Variants in PIEZO1 observed in about 807,000 individuals in gnomAD.
The protein encoded by PIEZO1 is piezo type mechanosensitive ion channel component 1 (Er blood group).
PIEZO1 carries 296 observed loss-of-function variants against 297.2 expected under a neutral mutation model. The ratio of observed to expected loss-of-function variants is 1.00; its 90% confidence interval spans 0.91 to 1.10. PIEZO1 has a LOEUF of 1.10. Ranked by LOEUF, PIEZO1 falls within the 50% of genes least tolerant of loss-of-function variation. PIEZO1 has a pLI of 0.00. For missense variants in PIEZO1, 5,018 were observed against 3,455.5 expected, an observed-to-expected ratio of 1.45 and a Z score of -11.34; for synonymous variants, 2,427 against 1,507.5, an observed-to-expected ratio of 1.61 and a Z score of -14.13.
intron 5 of PIEZO1, chr16:88,740,582 G>GC (rs1905576086): frequency 6.6e-6 from 1 of 152,422 alleles, no homozygotes; most frequent in Non-Finnish European, 1.5e-5. Context: ...CACCAGCCTT[G>GC]CCCCATGGGG....
In PIEZO1 at chr16:88,733,887, C is replaced by T. The variant is rs2306050; in HGVS notation, c.2329+19G>A. On this transcript the variant is annotated intron_variant, in intron 17 of 50. Transcript: ENST00000301015. Reference sequence around the variant, plus strand: ...CACAGCAGACTGGGTGGCAGCTGTGCTCTGCCCGCCCAACCCACCTTCAGG... The same window carrying T: ...CACAGCAGACTGGGTGGCAGCTGTGTTCTGCCCGCCCAACCCACCTTCAGG... 0.23 allele frequency: 335,730 copies of T among 1,478,004 alleles called. 42,089 individuals are homozygous for T. Among genetic ancestry groups the T allele is most frequent in the East Asian group, 0.56 (22,298 of 40,016 alleles). 91.6% of individuals were successfully genotyped at this position (1,478,004 alleles called of 1,614,324 possible).
intron 2 of PIEZO1, among the ~76,000 whole-genome samples, chr16:88,746,029 T>G (rs4782401): frequency 1.3e-5 from 2 of 151,372 alleles, no homozygotes; most frequent in African/African-American, 2.4e-5. Flanking sequence ...GGAGTTGCCC[T>G]GAGTCTGATC....
rs1319281426 is a variant in PIEZO1, at chr16:88,734,947, G to A, written c.1776C>T (p.Ser592=). The stretch of plus-strand genomic sequence containing the variant: ...TGTAGACCACGAGGCGGCCGGCGAA[G>A]CTGACCACGATGAACATGCCAGCAC... ...YVCAGMFIVV[S]FAGRLVVYKI... Residue 592 remains serine, a synonymous_variant, in exon 14 of 51, where the codon AGC becomes AGT. Transcript: ENST00000301015. 1.3e-6 allele frequency: 2 copies of A among 1,550,498 alleles called. No individual in the cohort carries two copies.
chr16:88,734,338 G>C lies in PIEZO1; in HGVS notation c.2180+18C>G. 1 of 1,498,888 alleles carries C rather than the reference G, an allele frequency of 6.7e-7. No homozygotes were observed. Among genetic ancestry groups the C allele is most frequent in the South Asian group, 1.3e-5 (1 of 76,528 alleles). 92.8% of individuals were successfully genotyped at this position (1,498,888 alleles called of 1,614,324 possible). ...GGCTACACCTCTCCAGGGCCGGACA[G>C]GGAGGGCGGGGCCGCACCTGTGAGC... On this transcript the variant is annotated intron_variant, in intron 16 of 50. Transcript: ENST00000301015.
intron 17 of PIEZO1, 40 bp from the exon 18 acceptor site, chr16:88,733,785 A>G: frequency 6.7e-7 from 1 of 1,488,124 alleles, no homozygotes; most frequent in Non-Finnish European, 9.0e-7. Context: ...ACAAACGGGG[A>G]TTCCCGGGTC....
At position 88,749,444 on chromosome 16, in the gene PIEZO1, A is replaced by G. The variant is rs1213479161; in HGVS notation, c.100T>C (p.Tyr34His). The G allele has an allele frequency of 6.6e-7, 1 of 1,523,710 alleles. No homozygotes were observed. The highest frequency in any genetic ancestry group is 1.2e-5 in the South Asian group (1 of 81,568). The allele number at this position is 1,523,710 out of a possible 1,614,324, so 94.4% of individuals were successfully genotyped here. A position where few individuals can be genotyped will look rare whatever the true frequency, so the allele number is the denominator to read the frequency against. The change falls in exon 2 of 51, where the codon TAC (tyrosine) becomes CAC (histidine). Residue 34 changes from tyrosine (Y) to histidine (H), a missense_variant. Coordinates refer to ENST00000301015, the MANE Select transcript of PIEZO1 (RefSeq NM_001142864.4). Reference protein sequence around the residue: ...LLRFSGLSLVYLLFLLLLPWF... With the variant: ...LLRFSGLSLVHLLFLLLLPWF... ...GGCAGCAGCAGCAGGAAGAGCAGGT[A>G]GACCAGCGAGAGTCCGCTGAAGCGG...
Position 88,732,732 on chromosome 16 carries a change from G to A in PIEZO1, c.2665C>T (p.Pro889Ser). Residue 889 changes from proline (P) to serine (S), a missense_variant and splice_region_variant, in exon 20 of 51, where the codon CCC becomes TCC. Coordinates refer to ENST00000301015, the MANE Select transcript of PIEZO1 (RefSeq NM_001142864.4). Reference sequence around the variant, plus strand: ...AGCAAGTTGGTGCTGTTGGGGAAGGGCTGGCAAGAGGCCAGGCATCAGTGC... The same window carrying A: ...AGCAAGTTGGTGCTGTTGGGGAAGGACTGGCAAGAGGCCAGGCATCAGTGC... The part of the protein sequence containing the change: ...PQEYSSNCTE[P>S]FPNSTNLLPT... 6.5e-7 allele frequency: 1 copy of A among 1,544,236 alleles called. No individual in the cohort carries two copies. Among genetic ancestry groups the A allele is most frequent in the African/African-American group, 1.4e-5 (1 of 73,090 alleles).
At chr16:88,718,899 C>T (rs1030747854) in intron 44 of PIEZO1, 1 of 154,212 alleles carries the variant, frequency 6.5e-6, no homozygotes, top group African/African-American at 2.4e-5. Flanking sequence ...TAGAGAGAGT[C>T]TCACTCACTA....
chr16:88,738,073 G>C lies in PIEZO1; in HGVS notation c.881C>G (p.Thr294Ser). ...CAGCGCGTGGGGGCTGGAGCAGTTG[G>C]TGGGACCCACGAAGTCCTTGAGACC... The part of the protein sequence containing the change: ...VLGLKDFVGP[T>S]NCSSPHALVL... The change falls in exon 8 of 51, where the codon ACC becomes AGC. Residue 294 changes from threonine (T) to serine (S), a missense_variant. Transcript: ENST00000301015. The C allele has an allele frequency of 6.5e-7, 1 of 1,535,836 alleles. No homozygotes were observed. Among genetic ancestry groups the C allele is most frequent in the African/African-American group, 1.4e-5 (1 of 73,174 alleles).
Position 88,727,084 on chromosome 16 carries a change from G to A in PIEZO1, c.3410C>T (p.Pro1137Leu), listed in dbSNP as rs745987597. 158 of 1,549,616 alleles carry A rather than the reference G, an allele frequency of 1.0e-4. No individual in the cohort carries two copies. Among genetic ancestry groups the A allele is most frequent in the African/African-American group, 2.6e-4 (19 of 73,042 alleles). Residue 1137 changes from proline to leucine, a missense_variant, in exon 24 of 51, where the codon CCG becomes CTG. By Grantham distance (98) the Pro-to-Leu change is moderately conservative. Coordinates refer to ENST00000301015, the MANE Select transcript of PIEZO1 (RefSeq NM_001142864.4). ...CACGGGGTTGGGCTCCCCCCGCAGC[G>A]GCTCCAGGCGGTCGGTGTTGACGCC... ...MAGVNTDRLE[P>L]LRGEPNPVPN... is the part of the protein sequence containing the mutation.
intron 1 of PIEZO1, among the ~76,000 whole-genome samples, chr16:88,762,659 A>G (rs1906986639): frequency 6.6e-6 from 1 of 152,176 alleles, no homozygotes; most frequent in South Asian, 2.1e-4. Flanking sequence ...GCAGCCCACA[A>G]GTGCTGTGTC....
At chr16:88,743,540 C>T (rs1453050649) in intron 2 of PIEZO1, 2 of 456,504 alleles carry the variant, frequency 4.4e-6, no homozygotes, top group Admixed American at 2.3e-5. Context: ...ACCACATCTG[C>T]CCTCTCTCGG....
At position 88,736,372 on chromosome 16, in the gene PIEZO1, C is replaced by T. The variant is rs902069811; in HGVS notation, c.1333G>A (p.Val445Ile). The change falls in exon 12 of 51, where the codon GTA (valine) becomes ATA (isoleucine). Residue 445 changes from valine to isoleucine, a missense_variant. By Grantham distance (29) the Val-to-Ile change is conservative. Coordinates refer to ENST00000301015, the MANE Select transcript of PIEZO1 (RefSeq NM_001142864.4). The part of the protein sequence containing the change: ...SITYHSWLTF[V>I]LLLWACLIWT... ...ATGAGGCAGGCCCAGAGCAGCAGTA[C>T]GAAGGTCAGCCAGCTGTGGTAGGTG... The T allele has an allele frequency of 1.5e-5, 23 of 1,549,590 alleles. No homozygotes were observed. Among genetic ancestry groups the T allele is most frequent in the Middle Eastern group, 1.7e-4 (1 of 5,744 alleles).
rs1319685835 is a variant in PIEZO1 at position 88,732,621 on chromosome 16, G to A, written c.2776C>T (p.Leu926=). 8.4e-6 allele frequency: 13 copies of A among 1,549,232 alleles called. No homozygotes were observed. In the Admixed American group the frequency reaches 1.8e-4, roughly 21 times the overall value. ...WFGVRKGFPN[L]GYIQNHLQVL... The stretch of plus-strand genomic sequence containing the variant: ...CTTCAACTCACCTGGATGTAGCCCA[G>A]GTTGGGGAACCCTTTCCGCACCCCA... Residue 926 remains leucine (L), a synonymous_variant, in exon 20 of 51, where the codon CTG becomes TTG. Transcript: ENST00000301015.
In PIEZO1 at chr16:88,716,079, C is replaced by G; in HGVS notation, c.7170G>C (p.Arg2390=). The G allele has an allele frequency of 1.3e-6, 2 of 1,549,724 alleles. No individual in the cohort carries two copies. The highest frequency in any genetic ancestry group is 1.7e-6 in the Non-Finnish European group (2 of 1,146,594). The change falls in exon 50 of 51, where the codon CGG becomes CGC. Residue 2390 remains arginine (R), a synonymous_variant. Coordinates refer to ENST00000301015, the MANE Select transcript of PIEZO1 (RefSeq NM_001142864.4). ...ADYLGVRIQL[R]REQGAGATGF... The stretch of plus-strand genomic sequence containing the variant: ...CGGTGGCCCCCGCACCCTGCTCCCT[C>G]CGCAGCTGGATACGCACGCCGAGGT...
intron 1 of PIEZO1, among the ~76,000 whole-genome samples, chr16:88,754,239 G>C (rs77810208): frequency 0.018 from 2,736 of 152,260 alleles, 81 homozygotes; most frequent in African/African-American, 0.062. Context: ...CCCCACGGTA[G>C]CTGCTGGGCC....
intron 1 of PIEZO1, among the ~76,000 whole-genome samples, chr16:88,774,612 C>G (rs1012942866): frequency 6.6e-6 from 1 of 152,110 alleles, no homozygotes; most frequent in Non-Finnish European, 1.5e-5. Flanking sequence ...GAGTGGGGGT[C>G]CCAGGAAGCC....
chr16:88,735,013 C>T lies in PIEZO1; in HGVS notation c.1710G>A (p.Glu570=). 1 of 1,550,518 alleles carries T rather than the reference C, an allele frequency of 6.4e-7. No homozygotes were observed. Among genetic ancestry groups the T allele is most frequent in the Non-Finnish European group, 8.7e-7 (1 of 1,146,986 alleles). ...ACTTGGCGTACACGCCCTTCACCAG[C>T]TCCCCCAGGCTCTGCAACAGCGTCT... ...RTQTLLQSLG[E]LVKGVYAKYW... Residue 570 remains glutamate (E), a synonymous_variant, in exon 14 of 51, where the codon GAG becomes GAA. Transcript: ENST00000301015.
intron 1 of PIEZO1, among the ~76,000 whole-genome samples, chr16:88,752,657 T>G (rs1906447986): frequency 2.0e-5 from 3 of 152,194 alleles, no homozygotes; most frequent in Middle Eastern, 6.8e-3. Context: ...GAGGCCTCCC[T>G]GACCGCCCTG....
Sources: gnomAD v4.1 joint callset for allele counts (sites outside exome capture counted in the v4.1 genomes callset) on GRCh38, gnomAD v4.1.1 for gene constraint, MANE v1.5 for transcripts, NCBI Gene and HGNC (gene_info 2026-07-23, HGNC 2026-07-21) for gene names.